Variants in NALF1 observed in about 807,000 individuals in gnomAD.
NALF1 encodes the protein family with sequence similarity 155 member A.
Under a neutral mutation model 48.4 loss-of-function variants are expected in NALF1, and 3 were observed. The observed-to-expected ratio is 0.06, with a 90% confidence interval of 0.03 to 0.16. The LOEUF is 0.16. Ranked by LOEUF, NALF1 falls within the 10% of genes least tolerant of loss-of-function variation. NALF1 has a pLI of 1.00. For synonymous variants in NALF1, 262 were observed against 245.7 expected (o/e 1.07, Z -0.62); for missense variants, 526 against 571.5 (o/e 0.92, Z 0.81).
intron 1 of NALF1, among the ~76,000 whole-genome samples, chr13:107,234,737 C>G (rs1880305034): frequency 6.6e-6 from 1 of 152,060 alleles, no homozygotes; most frequent in African/African-American, 2.4e-5. Flanking sequence ...AAACAAAAAA[C>G]CAAGAGCATT....
At chr13:107,340,966 T>C (rs1015524370) in intron 1 of NALF1, among the ~76,000 whole-genome samples, 21 of 152,180 alleles carry the variant, frequency 1.4e-4, no homozygotes, top group Non-Finnish European at 2.6e-4. Flanking sequence ...AGCTGATTTA[T>C]AGAATCAAAG....
intron 1 of NALF1, among the ~76,000 whole-genome samples, chr13:107,488,016 G>A (rs2139066605): frequency 6.6e-6 from 1 of 151,846 alleles, no homozygotes; most frequent in African/African-American, 2.4e-5. Flanking sequence ...ATGTATCTAA[G>A]AATCTATCAA....
chr13:107,859,914 C>CAAAAAA (rs778833499), intron 1 of NALF1, among the ~76,000 whole-genome samples: 129 of 66,088 alleles, frequency 2.0e-3, no homozygotes, highest in Middle Eastern at 8.5e-3. Flanking sequence ...AACTCCAACT[C>CAAAAAA]AAAAAAAAAA....
chr13:107,405,002 G>A (rs1883874947), intron 1 of NALF1, among the ~76,000 whole-genome samples: 1 of 151,778 alleles, frequency 6.6e-6, no homozygotes, highest in Admixed American at 6.6e-5. Flanking sequence ...TTTGGATATG[G>A]GCATATTCTA....
intron 1 of NALF1, among the ~76,000 whole-genome samples, chr13:107,414,396 T>C (rs1884048461): frequency 6.6e-6 from 1 of 151,408 alleles, no homozygotes; most frequent in African/African-American, 2.4e-5. Context: ...CTAGGTATTT[T>C]ATGAGGAATT....
intron 1 of NALF1, among the ~76,000 whole-genome samples, chr13:107,372,824 A>T (rs1448833139): frequency 6.6e-6 from 1 of 152,238 alleles, no homozygotes; most frequent in Non-Finnish European, 1.5e-5. Context: ...AACTCTTAAG[A>T]AAATCTTTAA....
At chr13:107,205,177 T>G (rs1879611548) in intron 2 of NALF1, among the ~76,000 whole-genome samples, 2 of 149,852 alleles carry the variant, frequency 1.3e-5, no homozygotes, top group Admixed American at 6.7e-5. Context: ...CCCACAACAG[T>G]CCCCAGAGTG....
chr13:107,756,565 G>A (rs1002308652), intron 1 of NALF1, among the ~76,000 whole-genome samples: 16 of 151,836 alleles, frequency 1.1e-4, no homozygotes, highest in Non-Finnish European at 1.3e-4. Flanking sequence ...CACAGCTTTC[G>A]TATTGTTACG....
intron 2 of NALF1, among the ~76,000 whole-genome samples, chr13:107,195,854 G>A (rs376930657): frequency 2.0e-4 from 31 of 152,308 alleles, no homozygotes; most frequent in African/African-American, 7.5e-4. Context: ...TTCTTACAAT[G>A]TCTCCCTAGA....
At chr13:107,299,000 A>C (rs1199042163) in intron 1 of NALF1, among the ~76,000 whole-genome samples, 1 of 151,868 alleles carries the variant, frequency 6.6e-6, no homozygotes, top group African/African-American at 2.4e-5. Flanking sequence ...TACTCTATTT[A>C]GTTTTTATGT....
At chr13:107,421,677 C>A (rs922028409) in intron 1 of NALF1, among the ~76,000 whole-genome samples, 1 of 152,068 alleles carries the variant, frequency 6.6e-6, no homozygotes, top group South Asian at 2.1e-4. Flanking sequence ...CTTACCCTGA[C>A]GGCTATCACA....
chr13:107,865,658 G>C (rs1311626019), intron 1 of NALF1, 24 bp downstream of exon 1: 9 of 1,603,424 alleles, frequency 5.6e-6, no homozygotes, highest in Non-Finnish European at 7.7e-6. Flanking sequence ...TGCAGGAAAG[G>C]GGGAAACCCC....
intron 1 of NALF1, among the ~76,000 whole-genome samples, chr13:107,627,015 G>A (rs745520645): frequency 6.6e-6 from 1 of 151,998 alleles, no homozygotes; most frequent in Non-Finnish European, 1.5e-5. Context: ...TCTTCTCTAT[G>A]ACATTATACA....
chr13:107,290,817 G>T (rs1222169521), intron 1 of NALF1, among the ~76,000 whole-genome samples: 1 of 152,024 alleles, frequency 6.6e-6, no homozygotes, highest in Non-Finnish European at 1.5e-5. Flanking sequence ...ACACATTTGT[G>T]TACATACTGT....
intron 1 of NALF1, among the ~76,000 whole-genome samples, chr13:107,763,327 T>C (rs150807587): frequency 6.6e-6 from 1 of 152,228 alleles, no homozygotes; most frequent in African/African-American, 2.4e-5. Flanking sequence ...TATCACTAGA[T>C]GCTATTCTCC....
At chr13:107,699,074 A>G (rs77581466) in intron 1 of NALF1, among the ~76,000 whole-genome samples, 2,860 of 152,266 alleles carry the variant, frequency 0.019, 37 homozygotes, top group Non-Finnish European at 0.029. Flanking sequence ...AGCTGAGCTT[A>G]TATCACAACA....
At chr13:107,697,964 G>T (rs547689665) in intron 1 of NALF1, among the ~76,000 whole-genome samples, 1 of 152,222 alleles carries the variant, frequency 6.6e-6, no homozygotes, top group Non-Finnish European at 1.5e-5. Flanking sequence ...AGTTTCCAAT[G>T]TGTAATACAC....
chr13:107,753,961 T>C (rs148462430), intron 1 of NALF1, among the ~76,000 whole-genome samples: 1 of 152,256 alleles, frequency 6.6e-6, no homozygotes, highest in East Asian at 1.9e-4. Flanking sequence ...CTGTGCTCAA[T>C]TCCCATCCAC....
intron 1 of NALF1, among the ~76,000 whole-genome samples, chr13:107,553,900 TA>T (rs150771650): frequency 0.099 from 15,083 of 152,202 alleles, 1,201 homozygotes; most frequent in Admixed American, 0.18. Context: ...TTTAGTTAAG[TA>T]AGTGCCTGGC....
Sources: allele counts gnomAD v4.1 joint callset (sites outside exome capture counted in the v4.1 genomes callset), GRCh38; gene constraint gnomAD v4.1.1; transcripts MANE v1.5; gene names NCBI Gene and HGNC (gene_info 2026-07-23, HGNC 2026-07-21).